TMEM132D: variants seen among roughly 807,000 people sequenced by gnomAD.
TMEM132D encodes transmembrane protein 132D.
Under a neutral mutation model 62.3 loss-of-function variants are expected in TMEM132D, and 21 were observed. The observed-to-expected ratio is 0.34, with a 90% CI of 0.24 to 0.49. TMEM132D has a LOEUF of 0.49. Ranked by LOEUF, TMEM132D falls within the 20% of genes least tolerant of loss-of-function variation. TMEM132D has a pLI of 0.99. For missense variants in TMEM132D, 1,346 were observed against 1,402.8 expected (o/e 0.96, Z 0.65); for synonymous variants, 621 against 575.6 (o/e 1.08, Z -1.13).
At chr12:129,368,779 A>AC (rs1870504968) in intron 3 of TMEM132D, among the ~76,000 whole-genome samples, 1 of 151,542 alleles carries the variant, frequency 6.6e-6, no homozygotes, top group Non-Finnish European at 1.5e-5. Context: ...AAAAAAAAAA[A>AC]CCCAAAAGGC....
intron 2 of TMEM132D, among the ~76,000 whole-genome samples, chr12:129,582,360 C>T (rs1327434774): frequency 6.6e-6 from 1 of 152,162 alleles, no homozygotes; most frequent in African/African-American, 2.4e-5. Flanking sequence ...GAGTGTGGTC[C>T]TGGTACTTAC....
At chr12:129,764,973 T>C (rs1870505807) in intron 1 of TMEM132D, among the ~76,000 whole-genome samples, 1 of 152,024 alleles carries the variant, frequency 6.6e-6, no homozygotes, top group Admixed American at 6.6e-5. Flanking sequence ...ACTTATGTCC[T>C]GAAGAAAAAT....
At chr12:129,213,661 A>G (rs1476557159) in intron 4 of TMEM132D, among the ~76,000 whole-genome samples, 1 of 152,170 alleles carries the variant, frequency 6.6e-6, no homozygotes, top group Non-Finnish European at 1.5e-5. Flanking sequence ...TGCAGAGATC[A>G]CCTAGTAGTA....
intron 4 of TMEM132D, among the ~76,000 whole-genome samples, chr12:129,274,364 A>C (rs541783988): frequency 6.6e-5 from 10 of 152,190 alleles, no homozygotes; most frequent in Non-Finnish European, 1.0e-4. Flanking sequence ...TAGTGCATTA[A>C]ACTAGCATTG....
chr12:129,266,339 T>C (rs1880694718), intron 4 of TMEM132D, among the ~76,000 whole-genome samples: 1 of 151,902 alleles, frequency 6.6e-6, no homozygotes, highest in Non-Finnish European at 1.5e-5. Flanking sequence ...GACTTGGCTC[T>C]TTCCTTCTAT....
At chr12:129,425,247 A>C (rs1047035447) in intron 3 of TMEM132D, among the ~76,000 whole-genome samples, 1 of 152,134 alleles carries the variant, frequency 6.6e-6, no homozygotes, top group African/African-American at 2.4e-5. Flanking sequence ...CTGTAATTTC[A>C]TCTGTTGTGC....
intron 1 of TMEM132D, among the ~76,000 whole-genome samples, chr12:129,817,045 G>T (rs1038436249): frequency 2.6e-5 from 4 of 152,192 alleles, no homozygotes; most frequent in Non-Finnish European, 4.4e-5. Context: ...TATAAGAATA[G>T]AAATGGGTTC....
chr12:129,591,678 G>T (rs1482762230), intron 2 of TMEM132D, among the ~76,000 whole-genome samples: 1 of 151,414 alleles, frequency 6.6e-6, no homozygotes, highest in Non-Finnish European at 1.5e-5. Context: ...AATAAAGAAA[G>T]AAAGAGAAAA....
chr12:129,463,387 T>C (rs1193811783), intron 3 of TMEM132D, among the ~76,000 whole-genome samples: 1 of 152,030 alleles, frequency 6.6e-6, no homozygotes, highest in East Asian at 1.9e-4. Context: ...GCTTTCCATA[T>C]GGCAAAAAAC....
chr12:129,120,831 A>AT lies in TMEM132D; in HGVS notation c.1444-36130dup, dbSNP rs555439087. Among the ~76,000 whole-genome samples the AT allele has an allele frequency of 2.2e-4, 33 of 151,048 alleles. 1 individual carries two copies. The highest frequency in any genetic ancestry group is 1.9e-3 in the South Asian group (9 of 4,748). Reference sequence around the variant, plus strand: ...TTTTAATTTACACACAGTGCAGTTCATTTTTTTTTGTTTCGGTATTTGTTT... The same window carrying AT: ...TTTTAATTTACACACAGTGCAGTTCATTTTTTTTTTGTTTCGGTATTTGTTT... On this transcript the variant is annotated intron_variant, in intron 5 of 8. Coordinates refer to ENST00000422113, the MANE Select transcript of TMEM132D (RefSeq NM_133448.3).
intron 1 of TMEM132D, among the ~76,000 whole-genome samples, chr12:129,706,593 A>G (rs1219997781): frequency 6.6e-6 from 1 of 151,982 alleles, no homozygotes; most frequent in Non-Finnish European, 1.5e-5. Context: ...AGTATAGAAA[A>G]GTAAATAATG....
intron 5 of TMEM132D, among the ~76,000 whole-genome samples, chr12:129,120,318 G>C (rs932098020): frequency 6.6e-6 from 1 of 152,180 alleles, no homozygotes; most frequent in Admixed American, 6.5e-5. Flanking sequence ...CAGGATGCTT[G>C]CATGGTGTCA....
At chr12:129,509,832 T>C (rs1316759810) in intron 3 of TMEM132D, among the ~76,000 whole-genome samples, 7 of 152,192 alleles carry the variant, frequency 4.6e-5, no homozygotes, top group Non-Finnish European at 1.0e-4. Flanking sequence ...TAGTACTCCG[T>C]TGTATATATG....
rs1449976038 is a variant in TMEM132D, at chr12:129,641,095, A to T, written c.968+58715T>A. ...ATGTAATAATAATACAAACAAGTGC[A>T]CAATAAATGTAAAGTGCTGAAATAA... On this transcript the variant is annotated intron_variant, in intron 2 of 8. Coordinates refer to ENST00000422113, the MANE Select transcript of TMEM132D (RefSeq NM_133448.3). 2.0e-5 allele frequency among the ~76,000 whole-genome samples: 3 copies of T among 152,176 alleles called. No individual in the cohort carries two copies. In the East Asian group the frequency reaches 5.8e-4, roughly 29 times the overall value.
At chr12:129,738,812 A>T (rs963008288) in intron 1 of TMEM132D, among the ~76,000 whole-genome samples, 9 of 152,174 alleles carry the variant, frequency 5.9e-5, no homozygotes, top group African/African-American at 2.2e-4. Flanking sequence ...CCATCTTAAT[A>T]GTAGAACCTG....
chr12:129,768,143 C>T (rs1870614882), intron 1 of TMEM132D, among the ~76,000 whole-genome samples: 1 of 152,116 alleles, frequency 6.6e-6, no homozygotes. Flanking sequence ...GGGAACACAG[C>T]CAAACCATAT....
intron 1 of TMEM132D, among the ~76,000 whole-genome samples, chr12:129,868,123 C>T (rs1874118588): frequency 6.6e-6 from 1 of 151,930 alleles, no homozygotes; most frequent in Admixed American, 6.6e-5. Flanking sequence ...GTATGGTACA[C>T]ACATGTGACA....
intron 2 of TMEM132D, among the ~76,000 whole-genome samples, chr12:129,582,020 C>T (rs1352398221): frequency 2.6e-5 from 4 of 152,210 alleles, no homozygotes; most frequent in African/African-American, 9.6e-5. Flanking sequence ...CAATGAGATA[C>T]AGCAGGTACA....
At chr12:129,107,385 A>T (rs2135641365) in intron 5 of TMEM132D, among the ~76,000 whole-genome samples, 1 of 152,336 alleles carries the variant, frequency 6.6e-6, no homozygotes, top group Admixed American at 6.5e-5. Context: ...AATCAAGTAA[A>T]ATGCACTTGT....
Sources: gnomAD v4.1 joint callset for allele counts (sites outside exome capture counted in the v4.1 genomes callset) on GRCh38, gnomAD v4.1.1 for gene constraint, MANE v1.5 for transcripts, NCBI Gene and HGNC (gene_info 2026-07-23, HGNC 2026-07-21) for gene names.